TANGO2: variants seen among roughly 807,000 people sequenced by gnomAD.
The protein encoded by TANGO2 is transport and golgi organization 2 homolog, also known as transport and Golgi organization protein 2 homolog.
A neutral mutation model predicts 39.1 loss-of-function variants in TANGO2; 26 were observed. The observed-to-expected ratio is 0.67, with a 90% CI of 0.49 to 0.92. TANGO2 has a LOEUF of 0.92. Ranked by LOEUF, TANGO2 falls within the 40% of genes least tolerant of loss-of-function variation. TANGO2 has a pLI of 0.00. For missense variants in TANGO2, 326 were observed against 360.1 expected, an observed-to-expected ratio of 0.91 and a Z score of 0.77; for synonymous variants, 131 against 144.5, an observed-to-expected ratio of 0.91 and a Z score of 0.67.
chr22:20,048,481 T>C (rs1465795387), intron 3 of TANGO2, among the ~76,000 whole-genome samples: 1 of 152,196 alleles, frequency 6.6e-6, no homozygotes, highest in Non-Finnish European at 1.5e-5. Context: ...TTTATTTATT[T>C]TTTGGTTGTT....
intron 6 of TANGO2, 90 bp from the exon 7 acceptor site, chr22:20,061,437 AGCT>A: frequency 7.0e-7 from 1 of 1,424,952 alleles, no homozygotes; most frequent in East Asian, 2.5e-5. Context: ...CATGGTCCCC[AGCT>A]GTACCCCGTG....
chr22:20,037,037 C>G lies in TANGO2; in HGVS notation c.56+183C>G. On this transcript the variant is annotated intron_variant, in intron 2 of 8. Coordinates refer to ENST00000327374, the MANE Select transcript of TANGO2 (RefSeq NM_152906.7). The stretch of plus-strand genomic sequence containing the variant: ...GATGCTGTCAGAATGCCTCTCGGGG[C>G]GGGGACTCCAGTCAATGTACAAAGA... The G allele has an allele frequency of 1.9e-6, 3 of 1,557,156 alleles. No individual in the cohort carries two copies. In the South Asian group the frequency reaches 3.7e-5, roughly 19 times the overall value.
intron 3 of TANGO2, among the ~76,000 whole-genome samples, chr22:20,047,228 G>GTTTTTTT (rs1281456111): frequency 2.3e-5 from 3 of 132,744 alleles, no homozygotes; most frequent in African/African-American, 5.4e-5. Context: ...TTTTTGGTTT[G>GTTTTTTT]TTTGTTTTTT....
intron 1 of TANGO2, chr22:20,033,229 G>A (rs367655386): frequency 7.0e-5 from 37 of 528,476 alleles, no homozygotes; most frequent in Non-Finnish European, 1.3e-4. Context: ...CAATGACCGC[G>A]TCTTCGTCGA....
chr22:20,055,522 G>C (rs1197891807), intron 5 of TANGO2: 1 of 271,720 alleles, frequency 3.7e-6, no homozygotes, highest in Admixed American at 4.8e-5. Flanking sequence ...TCACCCTGGG[G>C]CCACACTGGG....
chr22:20,053,692 T>A (rs1235848877), intron 5 of TANGO2, 141 bp downstream of exon 5: 2 of 684,182 alleles, frequency 2.9e-6, no homozygotes, highest in Non-Finnish European at 5.4e-6. Context: ...GCAAACATTC[T>A]GAGGACTGAG....
At chr22:20,038,577 C>T (rs968788571) in intron 2 of TANGO2, among the ~76,000 whole-genome samples, 1 of 152,230 alleles carries the variant, frequency 6.6e-6, no homozygotes, top group East Asian at 1.9e-4. Context: ...AGGACCTGTC[C>T]TGCGGGTCCT....
In TANGO2 at chr22:20,044,956, G is replaced by T. The variant is rs545587289; in HGVS notation, c.145+1513G>T. ...TTGTGGAATTGTTCACCCCTGTGGT[G>T]TTTTGATGGTGGCAGCTGGTGCATG... On this transcript the variant is annotated intron_variant, in intron 3 of 8. Transcript: ENST00000327374. Among the ~76,000 whole-genome samples the T allele has an allele frequency of 2.6e-5, 4 of 152,340 alleles. No individual in the cohort carries two copies. In the South Asian group the frequency reaches 8.3e-4, roughly 32 times the overall value.
rs2043722845 is a variant in TANGO2, at chr22:20,040,622, TC to T, written c.57-2728del. 3.9e-5 allele frequency among the ~76,000 whole-genome samples: 6 copies of T among 152,150 alleles called. No homozygotes were observed. In the South Asian group the frequency reaches 1.2e-3, roughly 32 times the overall value. ...CCATAGCACTCAGGGACTGCGGTGT[TC>T]CCCCTTCTCCTGCCCGCTGGCCAGG... On this transcript the variant is annotated intron_variant, in intron 2 of 8. Transcript: ENST00000327374.
At chr22:20,044,128 G>T (rs987910768) in intron 3 of TANGO2, among the ~76,000 whole-genome samples, 2 of 152,172 alleles carry the variant, frequency 1.3e-5, no homozygotes, top group African/African-American at 4.8e-5. Context: ...CGTACCAGGC[G>T]CCAAGTGGGC....
intron 5 of TANGO2, chr22:20,054,480 A>G (rs2046982942): frequency 6.6e-6 from 1 of 152,488 alleles, no homozygotes. Flanking sequence ...CTTGGCACTC[A>G]GCAGCTGTGT....
intron 2 of TANGO2, among the ~76,000 whole-genome samples, 156 bp from the exon 3 acceptor site, chr22:20,043,199 C>T (rs2044311597): frequency 1.3e-5 from 2 of 152,234 alleles, no homozygotes; most frequent in Non-Finnish European, 2.9e-5. Flanking sequence ...CCACGGTGCT[C>T]CTTCCTCCAG....
chr22:20,025,131 C>T (rs985709397), intron 1 of TANGO2, among the ~76,000 whole-genome samples: 3 of 149,272 alleles, frequency 2.0e-5, no homozygotes, highest in African/African-American at 7.4e-5. Context: ...GCTTGAATAC[C>T]GGAGGCAGAG....
At chr22:20,033,669 C>T (rs900659055) in intron 1 of TANGO2, among the ~76,000 whole-genome samples, 7 of 152,234 alleles carry the variant, frequency 4.6e-5, no homozygotes, top group African/African-American at 1.7e-4. Context: ...CAGGGGTTCT[C>T]ATGTGCAGGA....
In TANGO2 at chr22:20,031,023, C is replaced by T. The variant is rs575149191; in HGVS notation, c.-39-5737C>T. Among the ~76,000 whole-genome samples the T allele has an allele frequency of 8.5e-4, 129 of 152,122 alleles. No individual in the cohort carries two copies. In the Middle Eastern group the frequency reaches 0.014, roughly 16 times the overall value. ...GACCATCCTGGCCAACATGGTGAAA[C>T]CCCATCTCTACTAAAAATACAAAAA... On this transcript the variant is annotated intron_variant, in intron 1 of 8. Coordinates refer to ENST00000327374, the MANE Select transcript of TANGO2 (RefSeq NM_152906.7).
At chr22:20,049,498 T>G (rs1157331652) in intron 3 of TANGO2, among the ~76,000 whole-genome samples, 2 of 151,978 alleles carry the variant, frequency 1.3e-5, no homozygotes, top group African/African-American at 4.8e-5. Context: ...CCGTCTCTAC[T>G]AAAAATACAA....
At position 20,052,505 on chromosome 22, in the gene TANGO2, G is replaced by C; in HGVS notation, c.186G>C (p.Leu62=). The C allele has an allele frequency of 6.2e-7, 1 of 1,607,410 alleles. No individual in the cohort carries two copies. Among genetic ancestry groups the C allele is most frequent in the Non-Finnish European group, 8.5e-7 (1 of 1,177,084 alleles). The part of the protein sequence containing the change: ...MEEGKEGGTW[L]GISTRGKLAA... The stretch of plus-strand genomic sequence containing the variant: ...AAGGCAAGGAAGGAGGCACATGGCT[G>C]GGCATCAGCACACGTGGCAAGCTGG... Residue 62 remains leucine (L), a synonymous_variant, in exon 4 of 9, where the codon CTG becomes CTC. Coordinates refer to ENST00000327374, the MANE Select transcript of TANGO2 (RefSeq NM_152906.7).
At position 20,066,653 on chromosome 22, in the gene TANGO2, C is replaced by G. The variant is rs1332247675; in HGVS notation, c.*1991C>G. On this transcript the variant is annotated 3_prime_UTR_variant, in exon 9 of 9. Transcript: ENST00000327374. Reference sequence around the variant, plus strand: ...GGCCTGAGGAGAAACTGAGGCCCCACATCCCATACGTGTCCTCTGAGTCAG... The same window carrying G: ...GGCCTGAGGAGAAACTGAGGCCCCAGATCCCATACGTGTCCTCTGAGTCAG... Among the ~76,000 whole-genome samples the G allele has an allele frequency of 1.3e-5, 2 of 152,114 alleles. No homozygotes were observed. Among genetic ancestry groups the G allele is most frequent in the African/African-American group, 4.8e-5 (2 of 41,438 alleles).
chr22:20,027,988 CG>C (rs2041116864), intron 1 of TANGO2, among the ~76,000 whole-genome samples: 1 of 151,834 alleles, frequency 6.6e-6, no homozygotes, highest in Non-Finnish European at 1.5e-5. Context: ...TAGTAGAGAC[CG>C]GGTTTCACCG....
Sources: allele counts gnomAD v4.1 joint callset (sites outside exome capture counted in the v4.1 genomes callset), GRCh38; gene constraint gnomAD v4.1.1; transcripts MANE v1.5; gene names NCBI Gene and HGNC (gene_info 2026-07-23, HGNC 2026-07-21).